Variants in DPYD observed in about 807,000 individuals in gnomAD.
The protein encoded by DPYD is dihydropyrimidine dehydrogenase [NADP(+)].
DPYD carries 109 observed loss-of-function variants against 116.2 expected under a neutral mutation model. The observed-to-expected ratio is 0.94, with a 90% CI of 0.80 to 1.10. The LOEUF (loss-of-function observed/expected upper bound fraction) is 1.10, where lower values mean the gene tolerates loss of function less well. DPYD is among the 50% of genes least tolerant of loss of function. DPYD has a pLI of 0.00. For synonymous variants in DPYD, 440 were observed against 432.0 expected (o/e 1.02, Z -0.23); for missense variants, 1,302 against 1,254.5 (o/e 1.04, Z -0.57).
At chr1:97,394,759 T>C (rs1557682257) in intron 14 of DPYD, among the ~76,000 whole-genome samples, 1 of 151,998 alleles carries the variant, frequency 6.6e-6, no homozygotes, top group Non-Finnish European at 1.5e-5. Flanking sequence ...TATTGGAAAT[T>C]GATTTCAAAA....
At chr1:97,471,644 A>C (rs1264636255) in intron 13 of DPYD, among the ~76,000 whole-genome samples, 1 of 150,450 alleles carries the variant, frequency 6.6e-6, no homozygotes, top group African/African-American at 2.5e-5. Context: ...GCTGGAGAGC[A>C]GTGGCACAAT....
chr1:97,212,624 A>G (rs1227881922), intron 19 of DPYD, among the ~76,000 whole-genome samples: 2 of 152,124 alleles, frequency 1.3e-5, no homozygotes, highest in African/African-American at 4.8e-5. Flanking sequence ...ACATTTTTGT[A>G]ACATTATAAG....
At chr1:97,165,724 A>G (rs1181617245) in intron 20 of DPYD, among the ~76,000 whole-genome samples, 2 of 152,204 alleles carry the variant, frequency 1.3e-5, no homozygotes, top group African/African-American at 2.4e-5. Context: ...ACAAATTACA[A>G]GAAAGAAGTA....
chr1:97,638,606 TA>T (rs1399744947), intron 8 of DPYD, among the ~76,000 whole-genome samples: 3 of 152,184 alleles, frequency 2.0e-5, no homozygotes, highest in Admixed American at 6.5e-5. Flanking sequence ...CTGTGTAATT[TA>T]TAAAGAAAAG....
intron 20 of DPYD, among the ~76,000 whole-genome samples, chr1:97,106,278 G>A (rs993569): frequency 4.3e-4 from 66 of 152,232 alleles, no homozygotes; most frequent in African/African-American, 9.6e-4. Flanking sequence ...TTAATTTTAT[G>A]TATCATCTTG....
chr1:97,634,409 C>T (rs1215660240), intron 8 of DPYD, among the ~76,000 whole-genome samples: 1 of 151,850 alleles, frequency 6.6e-6, no homozygotes, highest in Non-Finnish European at 1.5e-5. Context: ...GACACACTGG[C>T]TTTTATCAAA....
chr1:97,561,023 A>C (rs945303714), intron 11 of DPYD, among the ~76,000 whole-genome samples: 25 of 152,160 alleles, frequency 1.6e-4, no homozygotes, highest in Non-Finnish European at 7.4e-5. Flanking sequence ...ACAAGAGAGG[A>C]AGTCTGAGAA....
intron 8 of DPYD, among the ~76,000 whole-genome samples, chr1:97,660,802 A>T (rs1004622565): frequency 1.3e-5 from 2 of 152,276 alleles, no homozygotes; most frequent in South Asian, 4.1e-4. Context: ...GGGAAAAAAA[A>T]TATCCTTTCA....
intron 19 of DPYD, among the ~76,000 whole-genome samples, chr1:97,229,248 T>TA (rs1261777617): frequency 3.8e-3 from 326 of 86,004 alleles, no homozygotes; most frequent in African/African-American, 9.9e-3. Flanking sequence ...TGATGGGAAG[T>TA]AAAAAAAAAA....
intron 18 of DPYD, among the ~76,000 whole-genome samples, chr1:97,267,631 T>G (rs1431551577): frequency 6.6e-6 from 1 of 150,942 alleles, no homozygotes; most frequent in Non-Finnish European, 1.5e-5. Flanking sequence ...AGGGTGGAGC[T>G]TTATGGCTTA....
intron 16 of DPYD, among the ~76,000 whole-genome samples, chr1:97,332,613 G>C (rs576371312): frequency 6.6e-6 from 1 of 152,326 alleles, no homozygotes; most frequent in African/African-American, 2.4e-5. Context: ...CAAAACGATA[G>C]TGGTGCCTTG....
chr1:97,651,998 A>C lies in DPYD; in HGVS notation c.850+27097T>G, dbSNP rs145372804. Among the ~76,000 whole-genome samples, 335 of 151,734 alleles carry C rather than the reference A, an allele frequency of 2.2e-3. 1 individual carries two copies. Among genetic ancestry groups the C allele is most frequent in the African/African-American group, 7.6e-3 (315 of 41,392 alleles). Reference sequence around the variant, plus strand: ...CAAAAAGAAAATGGAACAAAGTGAGAGACAACTGTAAAATCTTTCTCATTT... The same window carrying C: ...CAAAAAGAAAATGGAACAAAGTGAGCGACAACTGTAAAATCTTTCTCATTT... On this transcript the variant is annotated intron_variant, in intron 8 of 22. Transcript: ENST00000370192.
At chr1:97,546,747 T>C (rs1650897418) in intron 12 of DPYD, 2 of 1,613,154 alleles carry the variant, frequency 1.2e-6, no homozygotes, top group African/African-American at 2.7e-5. Context: ...CAGGCAAGCC[T>C]GGAAATTATC....
chr1:97,200,236 G>T (rs1031514466), intron 19 of DPYD, among the ~76,000 whole-genome samples: 1 of 152,170 alleles, frequency 6.6e-6, no homozygotes, highest in Middle Eastern at 3.4e-3. Flanking sequence ...TATCATACAG[G>T]TGGATAAACT....
At chr1:97,546,611 C>T (rs1339389397) in intron 12 of DPYD, 3 of 1,612,108 alleles carry the variant, frequency 1.9e-6, no homozygotes, top group African/African-American at 1.3e-5. Context: ...CTTTACTTTC[C>T]TGAGGAAAAA....
intron 3 of DPYD, among the ~76,000 whole-genome samples, chr1:97,778,022 G>C (rs1352908187): frequency 6.6e-6 from 1 of 151,718 alleles, no homozygotes; most frequent in Non-Finnish European, 1.5e-5. Flanking sequence ...GCCAGGCATG[G>C]TAGCACACGT....
At chr1:97,738,719 ATAT>A (rs1161333397) in intron 4 of DPYD, among the ~76,000 whole-genome samples, 2 of 151,534 alleles carry the variant, frequency 1.3e-5, no homozygotes, top group African/African-American at 4.8e-5. Context: ...GTTTGACAAC[ATAT>A]TATCTTCTCA....
chr1:97,200,542 A>G (rs1659128589), intron 19 of DPYD, among the ~76,000 whole-genome samples: 1 of 152,172 alleles, frequency 6.6e-6, no homozygotes, highest in African/African-American at 2.4e-5. Context: ...AAGCTTTCTC[A>G]GGAAAAAGAA....
At chr1:97,859,396 C>A (rs1448842081) in intron 2 of DPYD, among the ~76,000 whole-genome samples, 1 of 152,164 alleles carries the variant, frequency 6.6e-6, no homozygotes, top group African/African-American at 2.4e-5. Context: ...ACATCTGAAC[C>A]TGGCCCCTCA....
Sources: gnomAD v4.1 joint callset for allele counts (sites outside exome capture counted in the v4.1 genomes callset) on GRCh38, gnomAD v4.1.1 for gene constraint, MANE v1.5 for transcripts, NCBI Gene and HGNC (gene_info 2026-07-23, HGNC 2026-07-21) for gene names.